CDYL2: variants seen among roughly 807,000 people sequenced by gnomAD.
CDYL2 encodes the protein chromodomain Y-like protein 2.
A neutral mutation model predicts 49.4 loss-of-function variants in CDYL2; 23 were observed. The observed-to-expected ratio is 0.47, with a 90% CI of 0.34 to 0.66. The LOEUF (loss-of-function observed/expected upper bound fraction) is 0.66. Ranked by LOEUF, CDYL2 falls within the 30% of genes least tolerant of loss-of-function variation. The pLI is 0.01. For missense variants in CDYL2, 678 were observed against 656.4 expected, an observed-to-expected ratio of 1.03 and a Z score of -0.36; for synonymous variants, 360 against 268.8, an observed-to-expected ratio of 1.34 and a Z score of -3.32.
chr16:80,615,855 AC>A (rs994514432), intron 4 of CDYL2, among the ~76,000 whole-genome samples: 28 of 151,892 alleles, frequency 1.8e-4, no homozygotes, highest in African/African-American at 6.5e-4. Flanking sequence ...AATGAAGGCC[AC>A]CCCCCATCCT....
chr16:80,781,631 G>C (rs7200350), intron 1 of CDYL2, among the ~76,000 whole-genome samples: 1 of 152,112 alleles, frequency 6.6e-6, no homozygotes, highest in Non-Finnish European at 1.5e-5. Context: ...ACTACATGTT[G>C]GGCCACAAGA....
In CDYL2 at chr16:80,778,600, T is replaced by C. The variant is rs1221805623; in HGVS notation, c.24+25550A>G. Among the ~76,000 whole-genome samples, 3 of 152,166 alleles carry C rather than the reference T, an allele frequency of 2.0e-5. No homozygotes were observed. The East Asian group carries it at 5.8e-4, about 29-fold the overall frequency. On this transcript the variant is annotated intron_variant, in intron 1 of 6. Transcript: ENST00000570137. ...AAGAAAGTCTTTTGGGGAGAAATATTATGTTCTTTAATCATAAGACTCAGT... is the reference window on the plus strand; with the variant it reads ...AAGAAAGTCTTTTGGGGAGAAATATCATGTTCTTTAATCATAAGACTCAGT...
intron 6 of CDYL2, among the ~76,000 whole-genome samples, chr16:80,605,234 T>C (rs1285946095): frequency 6.6e-6 from 1 of 151,268 alleles, no homozygotes; most frequent in African/African-American, 2.4e-5. Context: ...TGATTATTCA[T>C]TACTAAAGTA....
At chr16:80,726,425 A>C (rs1905164628) in intron 1 of CDYL2, among the ~76,000 whole-genome samples, 4 of 152,244 alleles carry the variant, frequency 2.6e-5, no homozygotes, top group Admixed American at 2.6e-4. Context: ...AATTCTGAAA[A>C]AAATTTCTAA....
chr16:80,628,302 G>A (rs1277787539), intron 3 of CDYL2: 1 of 152,236 alleles, frequency 6.6e-6, no homozygotes, highest in Non-Finnish European at 1.5e-5. Flanking sequence ...TTCAACAGAA[G>A]ATGCCAAAAT....
intron 2 of CDYL2, among the ~76,000 whole-genome samples, chr16:80,656,821 G>A (rs559133590): frequency 6.6e-6 from 1 of 152,280 alleles, no homozygotes; most frequent in East Asian, 1.9e-4. Context: ...GGAGAGGGGA[G>A]GGAAGATGTG....
intron 2 of CDYL2, among the ~76,000 whole-genome samples, chr16:80,643,762 G>C (rs1036628712): frequency 2.6e-4 from 40 of 152,292 alleles, no homozygotes; most frequent in African/African-American, 8.9e-4. Flanking sequence ...TGGGACACAG[G>C]GCACCAAGTC....
intron 1 of CDYL2, among the ~76,000 whole-genome samples, chr16:80,774,826 A>G (rs1232050963): frequency 6.6e-6 from 1 of 152,002 alleles, no homozygotes; most frequent in East Asian, 1.9e-4. Flanking sequence ...AAATAAAGGT[A>G]AGAGTAGTAA....
intron 1 of CDYL2, among the ~76,000 whole-genome samples, chr16:80,795,904 G>C (rs1203218323): frequency 1.3e-5 from 2 of 152,202 alleles, no homozygotes; most frequent in African/African-American, 4.8e-5. Context: ...CAGAAGAAGA[G>C]TTTTCAAAAA....
chr16:80,684,437 G>A (rs1016182583), intron 2 of CDYL2, 101 bp downstream of exon 2: 102 of 1,079,654 alleles, frequency 9.4e-5, no homozygotes, highest in Middle Eastern at 7.6e-4. Flanking sequence ...GCTAAGAGAC[G>A]GGGATGGAGG....
chr16:80,710,215 C>T (rs894865300), intron 1 of CDYL2, among the ~76,000 whole-genome samples: 1 of 152,176 alleles, frequency 6.6e-6, no homozygotes, highest in Non-Finnish European at 1.5e-5. Context: ...GTGTGAGCCA[C>T]CATGCCTGGC....
chr16:80,601,853 A>G lies in CDYL2; in HGVS notation c.*2535T>C, dbSNP rs1386991194. On this transcript the variant is annotated 3_prime_UTR_variant, in exon 7 of 7. Coordinates refer to ENST00000570137, the MANE Select transcript of CDYL2 (RefSeq NM_152342.4). ...AGATTTCCACCTTAGAAATGGTTTC[A>G]CATTCCTACCTTAATCTTCAGAGAT... 1 of 152,178 alleles carries G rather than the reference A, an allele frequency of 6.6e-6. No individual in the cohort carries two copies. The highest frequency in any genetic ancestry group is 1.5e-5 in the Non-Finnish European group (1 of 68,040). 9.4% of individuals were successfully genotyped at this position (152,178 alleles called of 1,614,324 possible).
intron 2 of CDYL2, among the ~76,000 whole-genome samples, chr16:80,673,253 G>A (rs1393307062): frequency 1.3e-5 from 2 of 152,114 alleles, no homozygotes; most frequent in Non-Finnish European, 1.5e-5. Flanking sequence ...CCGGGAGGCG[G>A]AGGTTGCAGT....
At chr16:80,606,141 A>C (rs1352127709) in intron 6 of CDYL2, among the ~76,000 whole-genome samples, 1 of 151,988 alleles carries the variant, frequency 6.6e-6, no homozygotes, top group African/African-American at 2.4e-5. Flanking sequence ...CTGCACCCTC[A>C]CTCCCCTGCC....
At chr16:80,632,932 T>C (rs907930416) in intron 3 of CDYL2, 87 bp downstream of exon 3, 6 of 1,341,046 alleles carry the variant, frequency 4.5e-6, no homozygotes, top group South Asian at 2.5e-5. Context: ...AGCTCCCTGA[T>C]GGAAGGAAGG....
intron 2 of CDYL2, among the ~76,000 whole-genome samples, chr16:80,682,834 G>A (rs1425424335): frequency 6.6e-6 from 1 of 152,196 alleles, no homozygotes; most frequent in Non-Finnish European, 1.5e-5. Flanking sequence ...CTCCCCGAGA[G>A]ATGAATTTCT....
At chr16:80,644,886 G>A (rs1464190189) in intron 2 of CDYL2, among the ~76,000 whole-genome samples, 1 of 152,056 alleles carries the variant, frequency 6.6e-6, no homozygotes. Flanking sequence ...CAAGAAATGG[G>A]GAAAGGATTC....
intron 2 of CDYL2, among the ~76,000 whole-genome samples, chr16:80,650,333 A>G (rs1908531725): frequency 6.6e-6 from 1 of 152,248 alleles, no homozygotes; most frequent in South Asian, 2.1e-4. Context: ...AAAAGAGGAC[A>G]TACAAATGGC....
intron 2 of CDYL2, among the ~76,000 whole-genome samples, chr16:80,668,457 A>T (rs1046025458): frequency 2.6e-5 from 4 of 151,082 alleles, no homozygotes; most frequent in Admixed American, 2.0e-4. Context: ...TATGTAATAT[A>T]ATCACATATA....
Sources: gnomAD v4.1 joint callset for allele counts (sites outside exome capture counted in the v4.1 genomes callset) on GRCh38, gnomAD v4.1.1 for gene constraint, MANE v1.5 for transcripts, NCBI Gene and HGNC (gene_info 2026-07-23, HGNC 2026-07-21) for gene names.